The following CARD14 variants were observed in gnomAD, a reference collection of about 807,000 sequenced individuals.
The protein encoded by CARD14 is caspase recruitment domain family member 14.
Under a neutral mutation model 111.5 loss-of-function variants are expected in CARD14, and 107 were observed. The ratio of observed to expected loss-of-function variants is 0.96; its 90% CI spans 0.82 to 1.13. The LOEUF (loss-of-function observed/expected upper bound fraction) is 1.13, where lower values mean the gene tolerates loss of function less well. CARD14 is among the 50% of genes most tolerant of loss of function. CARD14 has a pLI of 0.00. For missense variants in CARD14, 1,322 were observed against 1,362.3 expected, an observed-to-expected ratio of 0.97 and a Z score of 0.47; for synonymous variants, 617 against 579.6, an observed-to-expected ratio of 1.06 and a Z score of -0.93.
chr17:80,205,842 G>C (rs2041270692), intron 22 of CARD14, 190 bp downstream of exon 22: 1 of 522,318 alleles, frequency 1.9e-6, no homozygotes, highest in African/African-American at 1.9e-5. Flanking sequence ...CGTGACTGTG[G>C]GTGAGGTCTC....
Position 80,183,944 on chromosome 17 carries a change from C to A in CARD14, c.381C>A (p.Cys127Ter). 6.5e-7 allele frequency: 1 copy of A among 1,534,686 alleles called. No homozygotes were observed. Among genetic ancestry groups the A allele is most frequent in the Non-Finnish European group, 8.8e-7 (1 of 1,139,458 alleles). ...TGGAGACATCCAAGCTGACCGAGTG[C>A]CTGGCTGGGGCCATCGGCAGCCTGC... ...GLMETSKLTE[C>*]LAGAIGSLQE... The change falls in exon 7 of 24, where the codon TGC becomes TGA. Residue 127 changes from cysteine (C) to a stop codon, truncating the protein, a stop_gained. Coordinates refer to ENST00000648509, the MANE Select transcript of CARD14 (RefSeq NM_001366385.1). LOFTEE classifies it high-confidence loss of function.
At position 80,185,420 on chromosome 17, in the gene CARD14, C is replaced by A. The variant is rs533614712; in HGVS notation, c.675+1182C>A. Among the ~76,000 whole-genome samples the A allele has an allele frequency of 2.6e-5, 4 of 152,144 alleles. No homozygotes were observed. In the South Asian group the frequency reaches 8.3e-4, roughly 32 times the overall value. ...TTTACTTCTTATTTAGAAATAATTC[C>A]AAATATATATTTTTAAATCACACAA... On this transcript the variant is annotated intron_variant, in intron 7 of 23. Coordinates refer to ENST00000648509, the MANE Select transcript of CARD14 (RefSeq NM_001366385.1).
intron 1 of CARD14, among the ~76,000 whole-genome samples, chr17:80,171,161 T>G (rs1177975794): frequency 4.7e-5 from 4 of 84,426 alleles, no homozygotes; most frequent in South Asian, 9.9e-4. Context: ...CACCTTCCCC[T>G]TCCCCTCCCC....
At chr17:80,187,410 T>C (rs148795899) in intron 7 of CARD14, among the ~76,000 whole-genome samples, 220 of 152,380 alleles carry the variant, frequency 1.4e-3, no homozygotes, top group Non-Finnish European at 2.5e-3. Flanking sequence ...TCTGTCTCTC[T>C]CTTCGTTGTG....
intron 12 of CARD14, among the ~76,000 whole-genome samples, chr17:80,194,350 G>A (rs1281367851): frequency 6.6e-6 from 1 of 152,204 alleles, no homozygotes; most frequent in Non-Finnish European, 1.5e-5. Flanking sequence ...CAAAGGACCT[G>A]GCACATAGTA....
At position 80,188,464 on chromosome 17, in the gene CARD14, A is replaced by C. The variant is rs1371996658; in HGVS notation, c.763A>C (p.Ser255Arg). 7.5e-6 allele frequency: 12 copies of C among 1,600,052 alleles called. No individual in the cohort carries two copies. Among genetic ancestry groups the C allele is most frequent in the African/African-American group, 1.3e-5 (1 of 74,176 alleles). ...GCAAGAGCAGTCCCTGAGGACAGCC[A>C]GCGACCAGGAGTCCGGGGATGAGGA... ...ELQEQSLRTASDQESGDEELN... is the reference protein window; with the variant it reads ...ELQEQSLRTARDQESGDEELN... Residue 255 changes from serine to arginine, a missense_variant, in exon 8 of 24, where the codon AGC becomes CGC. Physicochemically the swap from Ser to Arg is moderately radical, Grantham distance 110 (BLOSUM62 -1). Transcript: ENST00000648509. The surrounding 1 kb of genome is among the most constrained non-coding windows in gnomAD (Gnocchi z 4.5).
intron 1 of CARD14, among the ~76,000 whole-genome samples, chr17:80,171,205 C>CCCTTCCTTCCTTCCTTCCTTCCTT (rs59738447): frequency 2.4e-4 from 10 of 41,166 alleles, no homozygotes; most frequent in Admixed American, 3.0e-4. Context: ...CTCCCTCCCT[C>CCCTTCCTTCCTTCCTTCCTTCCTT]CCTTCCTTCC....
In CARD14 at chr17:80,198,603, G is replaced by A. The variant is rs767173320; in HGVS notation, c.1851+12G>A. 1.7e-5 allele frequency: 27 copies of A among 1,611,132 alleles called. No individual in the cohort carries two copies. Among genetic ancestry groups the A allele is most frequent in the South Asian group, 7.7e-5 (7 of 90,960 alleles). ...CCCAGATTGTGATGGTGAGCCGTGCGAGGCCCCTCCTGTCCCCCGGGCTCC... is the reference window on the plus strand; with the variant it reads ...CCCAGATTGTGATGGTGAGCCGTGCAAGGCCCCTCCTGTCCCCCGGGCTCC... On this transcript the variant is annotated intron_variant, in intron 16 of 23. Transcript: ENST00000648509. The surrounding 1 kb of genome is among the most constrained non-coding windows in gnomAD (Gnocchi z 7.5).
intron 4 of CARD14, among the ~76,000 whole-genome samples, chr17:80,180,665 G>A (rs993519615): frequency 6.6e-6 from 1 of 151,836 alleles, no homozygotes; most frequent in Non-Finnish European, 1.5e-5. Context: ...GAAGCCGACA[G>A]TCTTGCTTCT....
Position 80,189,829 on chromosome 17 carries a change from C to CGCTGCGGGAGCGGGCCGT in CARD14, c.922_939dup (p.Leu308_Val313dup). The CGCTGCGGGAGCGGGCCGT allele has an allele frequency of 6.3e-7, 1 of 1,586,444 alleles. No homozygotes were observed. The highest frequency in any genetic ancestry group is 8.5e-7 in the Non-Finnish European group (1 of 1,170,784). ...CAGGAGCTGGTGGAGCGCATCCACT[C>CGCTGCGGGAGCGGGCCGT]GCTGCGGGAGCGGGCCGTGGCTGCC... On this transcript the variant is annotated inframe_insertion, in exon 9 of 24. Coordinates refer to ENST00000648509, the MANE Select transcript of CARD14 (RefSeq NM_001366385.1). This position sits in a 1 kb window ranked among gnomAD's most constrained non-coding sequence, Gnocchi z 4.7.
rs747104642 is a variant in CARD14 at position 80,202,354 on chromosome 17, C to G, written c.2153C>G (p.Ala718Gly). The change falls in exon 18 of 24, where the codon GCC becomes GGC. Residue 718 changes from alanine to glycine, a missense_variant. Coordinates refer to ENST00000648509, the MANE Select transcript of CARD14 (RefSeq NM_001366385.1). ...TMFQGCGCWH[A>G]HRVNSYTMKD... ...TTCCAGGGCTGCGGCTGCTGGCATG[C>G]CCACCGCGTGAACTCTTACACCATG... The G allele has an allele frequency of 6.2e-7, 1 of 1,613,394 alleles. No homozygotes were observed. The highest frequency in any genetic ancestry group is 1.1e-5 in the South Asian group (1 of 91,078).
intron 18 of CARD14, chr17:80,202,722 C>A: frequency 1.3e-6 from 1 of 743,746 alleles, no homozygotes; most frequent in Non-Finnish European, 1.9e-6. Flanking sequence ...TGGGGCCGTC[C>A]TGGGCACTGC....
chr17:80,196,156 C>T (rs72852589), intron 14 of CARD14: 33,315 of 153,918 alleles, frequency 0.22, 4,098 homozygotes, highest in Middle Eastern at 0.33. Flanking sequence ...TCCATGGGCC[C>T]GTCATGGGTG....
rs11290027 is a variant in CARD14, at chr17:80,176,439, CAAA to C, written c.-366-2050_-366-2048del. Among the ~76,000 whole-genome samples the C allele has an allele frequency of 1.2e-3, 115 of 96,790 alleles. 1 individual carries two copies. The highest frequency in any genetic ancestry group is 3.2e-3 in the African/African-American group (82 of 25,624). The allele number at this position is 96,790 out of a possible 152,430, so 63.5% of individuals were successfully genotyped here. A position where few individuals can be genotyped will look rare whatever the true frequency, so the allele number is the denominator to read the frequency against. ...TGAGCAACAGAGCAAGACCTTGTCTCAAAAAAAAAAAAAAAAAAAAAGGAAGAG... is the reference window on the plus strand; with the variant it reads ...TGAGCAACAGAGCAAGACCTTGTCTCAAAAAAAAAAAAAAAAAAGGAAGAG... On this transcript the variant is annotated intron_variant, in intron 2 of 23. Coordinates refer to ENST00000648509, the MANE Select transcript of CARD14 (RefSeq NM_001366385.1).
At chr17:80,204,785 G>A in intron 20 of CARD14, 1 of 490,538 alleles carries the variant, frequency 2.0e-6, no homozygotes, top group South Asian at 3.8e-5. Flanking sequence ...ATAGGAAACA[G>A]GATTAAGTTG....
Position 80,198,381 on chromosome 17 carries a change from T to C in CARD14, c.1659-18T>C, listed in dbSNP as rs1312775493. The C allele has an allele frequency of 1.9e-6, 3 of 1,586,410 alleles. No homozygotes were observed. In the African/African-American group the frequency reaches 4.0e-5, roughly 21 times the overall value. On this transcript the variant is annotated intron_variant, in intron 15 of 23. Coordinates refer to ENST00000648509, the MANE Select transcript of CARD14 (RefSeq NM_001366385.1). The surrounding 1 kb of genome is among the most constrained non-coding windows in gnomAD (Gnocchi z 7.5). Reference sequence around the variant, plus strand: ...CTGCTCTGGGCAGTGCACAAGCCGGTCGTCTCCCGGCCTGCAGCGGCGTCC... The same window carrying C: ...CTGCTCTGGGCAGTGCACAAGCCGGCCGTCTCCCGGCCTGCAGCGGCGTCC...
chr17:80,203,867 G>A lies in CARD14; in HGVS notation c.2265G>A (p.Gln755=), dbSNP rs1453131183. 1.3e-6 allele frequency: 2 copies of A among 1,597,198 alleles called. No individual in the cohort carries two copies. Among genetic ancestry groups the A allele is most frequent in the Non-Finnish European group, 1.7e-6 (2 of 1,172,888 alleles). The part of the protein sequence containing the change: ...LIALIQDMTQ[Q]CTVTRKPSSG... ...CCCTCATCCAGGACATGACTCAGCA[G>A]TGCACCGTGACCCGCAAGGTGAGGC... The change falls in exon 19 of 24, where the codon CAG becomes CAA. Residue 755 remains glutamine (Q), a synonymous_variant. Coordinates refer to ENST00000648509, the MANE Select transcript of CARD14 (RefSeq NM_001366385.1). This position sits in a 1 kb window ranked among gnomAD's most constrained non-coding sequence, Gnocchi z 4.6.
intron 18 of CARD14, 161 bp downstream of exon 18, chr17:80,202,581 T>C: frequency 7.0e-7 from 1 of 1,435,554 alleles, no homozygotes; most frequent in South Asian, 1.5e-5. Flanking sequence ...AAGATGTTGT[T>C]TCTTTGTGAT....
At chr17:80,180,713 C>T (rs1207445685) in intron 4 of CARD14, among the ~76,000 whole-genome samples, 1 of 151,780 alleles carries the variant, frequency 6.6e-6, no homozygotes, top group African/African-American at 2.4e-5. Context: ...TATAAAGCAG[C>T]ATTTCCAAAG....
Sources: gnomAD v4.1 joint callset for allele counts (sites outside exome capture counted in the v4.1 genomes callset) on GRCh38, gnomAD v4.1.1 for gene constraint, Gnocchi (gnomAD v3.1) non-coding constraint, MANE v1.5 for transcripts, NCBI Gene and HGNC (gene_info 2026-07-23, HGNC 2026-07-21) for gene names.